ATP13A4: variants seen among roughly 807,000 people sequenced by gnomAD.
ATP13A4 encodes ATPase 13A4, also known as probable cation-transporting ATPase 13A4.
Under a neutral mutation model 142.5 loss-of-function variants are expected in ATP13A4, and 114 were observed. The ratio of observed to expected loss-of-function variants is 0.80; its 90% CI spans 0.69 to 0.93. The LOEUF (loss-of-function observed/expected upper bound fraction) is 0.93. ATP13A4 is among the 40% of genes least tolerant of loss of function. ATP13A4 has a pLI of 0.00. For missense variants in ATP13A4, 1,392 were observed against 1,454.0 expected (o/e 0.96, Z 0.69); for synonymous variants, 488 against 514.8 (o/e 0.95, Z 0.70).
intron 1 of ATP13A4, among the ~76,000 whole-genome samples, chr3:193,551,807 C>T (rs940652185): frequency 4.6e-5 from 7 of 152,332 alleles, no homozygotes; most frequent in Non-Finnish European, 1.0e-4. Context: ...GGTGAACCTT[C>T]GCTGAAGGCC....
At chr3:193,407,539 A>T (rs906927776) in intron 28 of ATP13A4, 146 bp from the exon 29 acceptor site, 43 of 540,334 alleles carry the variant, frequency 8.0e-5, no homozygotes, top group African/African-American at 2.1e-4. Context: ...TATATATATA[A>T]AAAATTTCTA....
At chr3:193,521,792 G>C (rs1016324165) in intron 1 of ATP13A4, among the ~76,000 whole-genome samples, 7 of 152,104 alleles carry the variant, frequency 4.6e-5, no homozygotes, top group Non-Finnish European at 8.8e-5. Context: ...AATTAGCTGG[G>C]TGTGGTGGCA....
chr3:193,535,760 C>A (rs1186729637), intron 1 of ATP13A4, among the ~76,000 whole-genome samples: 1 of 151,618 alleles, frequency 6.6e-6, no homozygotes, highest in African/African-American at 2.4e-5. Flanking sequence ...GTAATATTGA[C>A]AAACCACTGG....
upstream of ATP13A4, among the ~76,000 whole-genome samples, chr3:193,558,978 A>T (rs1723958727): frequency 6.6e-6 from 1 of 152,180 alleles, no homozygotes; most frequent in Non-Finnish European, 1.5e-5. Context: ...TGTTCTGAGC[A>T]GTTCTCAACC....
rs201770878 is a variant in ATP13A4 at position 193,441,451 on chromosome 3, C to T, written c.2439+15G>A. ...AGCATTTTCATAGGGAGATTGTCAC[C>T]CTCTTAGAACTTACCTTTGGCAGTA... On this transcript the variant is annotated intron_variant, in intron 20 of 29. Coordinates refer to ENST00000342695, the MANE Select transcript of ATP13A4 (RefSeq NM_032279.4). 10 of 1,613,530 alleles carry T rather than the reference C, an allele frequency of 6.2e-6. No homozygotes were observed. The highest frequency in any genetic ancestry group is 2.2e-5 in the East Asian group (1 of 44,802).
intron 1 of ATP13A4, among the ~76,000 whole-genome samples, chr3:193,551,659 G>C (rs888847191): frequency 6.6e-6 from 1 of 152,236 alleles, no homozygotes; most frequent in Non-Finnish European, 1.5e-5. Context: ...AGAAGGACCA[G>C]TCCTATTTTA....
chr3:193,533,743 C>T (rs938226272), intron 1 of ATP13A4, among the ~76,000 whole-genome samples: 3 of 152,162 alleles, frequency 2.0e-5, no homozygotes, highest in African/African-American at 7.2e-5. Flanking sequence ...AATGGGGAAC[C>T]TAAACTTCCA....
Position 193,457,397 on chromosome 3 carries a change from G to C in ATP13A4, c.1743C>G (p.Pro581=). The C allele has an allele frequency of 6.2e-7, 1 of 1,614,194 alleles. No individual in the cohort carries two copies. The highest frequency in any genetic ancestry group is 1.1e-5 in the South Asian group (1 of 91,082). ...GVPAHAMVVK[P]CRTASQVPVE... ...GGCTTACCTGGCTGGCTGTTCTGCA[G>C]GGCTTAACTACCATGGCATGTGCCG... is the stretch of plus-strand genomic sequence containing the variant. The change falls in exon 15 of 30, where the codon CCC becomes CCG. Residue 581 remains proline, a synonymous_variant. Coordinates refer to ENST00000342695, the MANE Select transcript of ATP13A4 (RefSeq NM_032279.4).
chr3:193,553,233 T>A (rs965071702), intron 1 of ATP13A4: 5 of 152,246 alleles, frequency 3.3e-5, no homozygotes, highest in Admixed American at 2.0e-4. Flanking sequence ...GGTGCCATTA[T>A]GAAGATGAAC....
intron 2 of ATP13A4, among the ~76,000 whole-genome samples, chr3:193,581,425 C>T (rs562115427): frequency 6.6e-6 from 1 of 152,286 alleles, no homozygotes; most frequent in African/African-American, 2.4e-5. Context: ...ATACCAGCAA[C>T]ATGTCACTGA....
chr3:193,545,912 G>A (rs1039759819), intron 1 of ATP13A4, among the ~76,000 whole-genome samples: 1 of 151,276 alleles, frequency 6.6e-6, no homozygotes, highest in Non-Finnish European at 1.5e-5. Flanking sequence ...AAAAAAATGA[G>A]TATTACTTAA....
At chr3:193,510,891 G>A (rs1353591660) in intron 2 of ATP13A4, among the ~76,000 whole-genome samples, 3 of 152,092 alleles carry the variant, frequency 2.0e-5, no homozygotes, top group African/African-American at 7.2e-5. Flanking sequence ...CTCCTTAATG[G>A]AAAATCATCA....
chr3:193,448,402 C>T (rs1717081939), intron 17 of ATP13A4, 72 bp from the exon 18 acceptor site: 5 of 1,573,462 alleles, frequency 3.2e-6, no homozygotes, highest in Non-Finnish European at 4.3e-6. Flanking sequence ...GACGGAGTCT[C>T]GCTCTGTCAT....
chr3:193,457,434 A>G lies in ATP13A4; in HGVS notation c.1706T>C (p.Ile569Thr). 1 of 1,614,184 alleles carries G rather than the reference A, an allele frequency of 6.2e-7. No individual in the cohort carries two copies. The highest frequency in any genetic ancestry group is 8.5e-7 in the Non-Finnish European group (1 of 1,180,018). Residue 569 changes from isoleucine to threonine, a missense_variant, in exon 15 of 30, where the codon ATC (isoleucine) becomes ACC (threonine). Transcript: ENST00000342695. ...EMAFSGDDFH[I>T]KGVPAHAMVV... ...CATGGCATGTGCCGGCACTCCCTTG[A>G]TGTGGAAATCGTCCCCAGAAAAAGC...
At chr3:193,427,925 C>A (rs910036692) in intron 25 of ATP13A4, among the ~76,000 whole-genome samples, 2 of 152,018 alleles carry the variant, frequency 1.3e-5, no homozygotes, top group Non-Finnish European at 2.9e-5. Flanking sequence ...GCAACAAAAG[C>A]CAAAATTAAC....
At chr3:193,528,926 T>G (rs1722161267) in intron 1 of ATP13A4, among the ~76,000 whole-genome samples, 1 of 152,114 alleles carries the variant, frequency 6.6e-6, no homozygotes, top group African/African-American at 2.4e-5. Context: ...CAAACCATAT[T>G]CAAATATCAC....
intron 1 of ATP13A4, among the ~76,000 whole-genome samples, chr3:193,539,540 C>T (rs1042439096): frequency 6.6e-6 from 1 of 152,216 alleles, no homozygotes; most frequent in Non-Finnish European, 1.5e-5. Context: ...GAATCCACCA[C>T]CTCACAGCTG....
chr3:193,511,626 T>C (rs1429089209), intron 2 of ATP13A4, among the ~76,000 whole-genome samples: 1 of 152,258 alleles, frequency 6.6e-6, no homozygotes, highest in Non-Finnish European at 1.5e-5. Context: ...CAATGCATTT[T>C]ACAGTTTGCA....
intron 2 of ATP13A4, among the ~76,000 whole-genome samples, chr3:193,512,235 G>A (rs1721177903): frequency 6.6e-6 from 1 of 152,164 alleles, no homozygotes; most frequent in Non-Finnish European, 1.5e-5. Context: ...ATAATAATCT[G>A]ATAGATTCTT....
Sources: gnomAD v4.1 joint callset for allele counts (sites outside exome capture counted in the v4.1 genomes callset) on GRCh38, gnomAD v4.1.1 for gene constraint, MANE v1.5 for transcripts, NCBI Gene and HGNC (gene_info 2026-07-23, HGNC 2026-07-21) for gene names.